Variants in ZNF671 observed in about 807,000 individuals in gnomAD.
ZNF671 encodes the protein zinc finger protein 671.
ZNF671 carries 19 observed loss-of-function variants against 16.6 expected under a neutral mutation model. The ratio of observed to expected loss-of-function variants is 1.14; its 90% CI spans 0.80 to 1.68. The LOEUF (loss-of-function observed/expected upper bound fraction) is 1.68. Among genes scored for constraint, ZNF671 ranks in the 40% most tolerant of loss-of-function variants. The probability of loss-of-function intolerance (pLI) is 0.00; values close to 1 mark genes in which losing one functional copy is unlikely to be tolerated. For missense variants in ZNF671, 637 were observed against 659.8 expected (o/e 0.97, Z 0.38); for synonymous variants, 238 against 236.3 (o/e 1.01, Z -0.06).
In ZNF671 at chr19:57,720,430, T is replaced by C. The variant is rs779411884; in HGVS notation, c.*51A>G. The C allele has an allele frequency of 1.3e-5, 21 of 1,574,224 alleles. No individual in the cohort carries two copies. The highest frequency in any genetic ancestry group is 5.9e-5 in the South Asian group (5 of 85,422). The stretch of plus-strand genomic sequence containing the variant: ...TAACTACTGCTAGTTCCCCACCATA[T>C]AGTAAGTCAGGGGCATTGGCCTAAG... On this transcript the variant is annotated 3_prime_UTR_variant, in exon 4 of 4. Coordinates refer to ENST00000317398, the MANE Select transcript of ZNF671 (RefSeq NM_024833.3).
At chr19:57,724,189 A>C (rs549504535) in intron 1 of ZNF671, among the ~76,000 whole-genome samples, 30 of 152,102 alleles carry the variant, frequency 2.0e-4, no homozygotes, top group African/African-American at 6.7e-4. Flanking sequence ...CAGGCACCTC[A>C]AACCACATGC....
At chr19:57,724,950 C>A (rs1200007500) in intron 1 of ZNF671, among the ~76,000 whole-genome samples, 4 of 152,138 alleles carry the variant, frequency 2.6e-5, no homozygotes. Context: ...CAACACATTC[C>A]AGCTACATCA....
At chr19:57,724,411 G>A (rs1270976092) in intron 1 of ZNF671, among the ~76,000 whole-genome samples, 2 of 152,148 alleles carry the variant, frequency 1.3e-5, no homozygotes, top group Non-Finnish European at 2.9e-5. Flanking sequence ...GGCCACTGTA[G>A]GGTTATTAAC....
At chr19:57,725,172 A>T (rs1986000598) in intron 1 of ZNF671, among the ~76,000 whole-genome samples, 1 of 151,290 alleles carries the variant, frequency 6.6e-6, no homozygotes, top group Admixed American at 6.6e-5. Flanking sequence ...TTTTTTTGAA[A>T]TGGGGTCTCA....
intron 1 of ZNF671, among the ~76,000 whole-genome samples, chr19:57,725,764 C>CT (rs1195707091): frequency 6.6e-6 from 1 of 151,782 alleles, no homozygotes; most frequent in Non-Finnish European, 1.5e-5. Flanking sequence ...TGGTGAAACT[C>CT]TATCTAATAA....
Position 57,720,378 on chromosome 19 carries a change from A to C in ZNF671, c.*103T>G, listed in dbSNP as rs1235307182. On this transcript the variant is annotated 3_prime_UTR_variant, in exon 4 of 4. Coordinates refer to ENST00000317398, the MANE Select transcript of ZNF671 (RefSeq NM_024833.3). The stretch of plus-strand genomic sequence containing the variant: ...CGGGTAAGGTTCAGCCTCCAGGGGA[A>C]GGCTTTCCTGCATCTGCTGCACTCA... The C allele has an allele frequency of 1.4e-6, 2 of 1,468,612 alleles. No homozygotes were observed. Among genetic ancestry groups the C allele is most frequent in the Admixed American group, 4.3e-5 (2 of 46,998 alleles). 91.0% of individuals were successfully genotyped at this position (1,468,612 alleles called of 1,614,324 possible). A position where few individuals can be genotyped will look rare whatever the true frequency, so the allele number is the denominator to read the frequency against.
intron 3 of ZNF671, 158 bp downstream of exon 3, chr19:57,722,158 C>G (rs1386807780): frequency 1.6e-6 from 2 of 1,255,010 alleles, no homozygotes; most frequent in African/African-American, 1.5e-5. Context: ...AAGGGGCTAA[C>G]AAACTAGAAA....
At chr19:57,723,773 C>G (rs948488097) in intron 1 of ZNF671, among the ~76,000 whole-genome samples, 9 of 148,078 alleles carry the variant, frequency 6.1e-5, no homozygotes, top group African/African-American at 2.2e-4. Flanking sequence ...AAATGTCACT[C>G]TACACATAGC....
chr19:57,725,677 T>C (rs1264526167), intron 1 of ZNF671, among the ~76,000 whole-genome samples: 1 of 145,560 alleles, frequency 6.9e-6, no homozygotes, highest in Non-Finnish European at 1.5e-5. Flanking sequence ...TGGCTCACTC[T>C]TGTAATCCCA....
intron 3 of ZNF671, chr19:57,721,983 C>T: frequency 3.6e-6 from 2 of 557,270 alleles, no homozygotes; most frequent in Non-Finnish European, 6.3e-6. Context: ...AAAATGTATC[C>T]AGTCCCAGGA....
rs766496058 is a variant in ZNF671 at position 57,720,482 on chromosome 19, T to TA, written c.1603dup (p.Ter535LeufsTer4). On this transcript the variant is annotated frameshift_variant and stop_lost, in exon 4 of 4. Coordinates refer to ENST00000317398, the MANE Select transcript of ZNF671 (RefSeq NM_024833.3). LOFTEE classifies it high-confidence loss of function. ...CTTTCCCCCACATTTGCTACACTCT[T>TA]AAAGCTTTTCTCCAGCATGAACCCT... 8.7e-6 allele frequency: 14 copies of TA among 1,611,696 alleles called. No individual in the cohort carries two copies. The highest frequency in any genetic ancestry group is 1.2e-5 in the Non-Finnish European group (14 of 1,178,074).
intron 1 of ZNF671, among the ~76,000 whole-genome samples, chr19:57,724,833 GC>G (rs1489135629): frequency 1.3e-5 from 2 of 152,066 alleles, no homozygotes; most frequent in African/African-American, 4.8e-5. Flanking sequence ...CCGACTTTAG[GC>G]ATTTGACACA....
Position 57,720,497 on chromosome 19 carries a change from G to C in ZNF671, c.1589C>G (p.Ala530Gly). ...QTLVLHQRVH[A>G]GEKL ...GCTACACTCTTAAAGCTTTTCTCCA[G>C]CATGAACCCTCTGGTGCAGAACAAG... Residue 530 changes from alanine (A) to glycine (G), a missense_variant, in exon 4 of 4, where the codon GCT becomes GGT. Transcript: ENST00000317398. 1 of 1,613,232 alleles carries C rather than the reference G, an allele frequency of 6.2e-7. No homozygotes were observed. Among genetic ancestry groups the C allele is most frequent in the Non-Finnish European group, 8.5e-7 (1 of 1,179,236 alleles).
At chr19:57,722,216 T>C (rs1392606343) in intron 3 of ZNF671, 100 bp downstream of exon 3, 11 of 1,532,122 alleles carry the variant, frequency 7.2e-6, no homozygotes, top group Admixed American at 2.0e-5. Context: ...AGAAACGCTG[T>C]GTGGCCACTG....
intron 1 of ZNF671, among the ~76,000 whole-genome samples, chr19:57,725,842 G>C (rs1208479821): frequency 4.0e-5 from 6 of 149,952 alleles, no homozygotes; most frequent in Non-Finnish European, 3.0e-5. Flanking sequence ...ACTGAGGCAG[G>C]AGAATCACTT....
rs1287045263 is a variant in ZNF671, at chr19:57,721,414, C to T, written c.672G>A (p.Glu224=). The T allele has an allele frequency of 6.2e-7, 1 of 1,614,118 alleles. No individual in the cohort carries two copies. The highest frequency in any genetic ancestry group is 8.5e-7 in the Non-Finnish European group (1 of 1,180,052). Residue 224 remains glutamate (E), a synonymous_variant, in exon 4 of 4, where the codon GAG becomes GAA. Transcript: ENST00000317398. ...PNGGKLFPRK[E]GRDSVKSCRV... is the part of the protein sequence containing the mutation. ...TGCAGCTTTTCACAGAGTCTCTGCCCTCCTTCCTTGGGAAAAGTTTCCCTC... is the reference window on the plus strand; with the variant it reads ...TGCAGCTTTTCACAGAGTCTCTGCCTTCCTTCCTTGGGAAAAGTTTCCCTC...
rs771156520 is a variant in ZNF671, at chr19:57,722,319, G to T, written c.385C>A (p.Pro129Thr). The change falls in exon 3 of 4, where the codon CCT becomes ACT. Residue 129 changes from proline to threonine, a missense_variant. By Grantham distance (38) the Pro-to-Thr change is conservative. Transcript: ENST00000317398. ...CCCTTCCCCGATGTCCACTCACCAG[G>T]TCTAAGTCCCCTCTGGGCCTCTCTT... ...TEREAQRGLR[P>T]GCWHGVEDEE... The T allele has an allele frequency of 1.2e-6, 2 of 1,613,942 alleles. No individual in the cohort carries two copies. Among genetic ancestry groups the T allele is most frequent in the African/African-American group, 2.7e-5 (2 of 74,906 alleles).
In ZNF671 at chr19:57,722,392, T is replaced by C. The variant is rs1324998022; in HGVS notation, c.312A>G (p.Gly104=). Residue 104 remains glycine (G), a synonymous_variant, in exon 3 of 4, where the codon GGA becomes GGG. Transcript: ENST00000317398. The part of the protein sequence containing the change: ...RSRAVMKLER[G]EEPWVYDQVD... Reference sequence around the variant, plus strand: ...CCTGGTCATACACCCAGGGCTCTTCTCCTCGCTCTAGTTTCATGACTGCAC... The same window carrying C: ...CCTGGTCATACACCCAGGGCTCTTCCCCTCGCTCTAGTTTCATGACTGCAC... 63 of 1,613,968 alleles carry C rather than the reference T, an allele frequency of 3.9e-5. No homozygotes were observed. The highest frequency in any genetic ancestry group is 5.2e-5 in the Non-Finnish European group (61 of 1,180,014).
rs762075516 is a variant in ZNF671, at chr19:57,720,543, C to T, written c.1543G>A (p.Glu515Lys). 1.2e-5 allele frequency: 20 copies of T among 1,614,094 alleles called. No homozygotes were observed. The East Asian group carries it at 4.0e-4, about 32-fold the overall frequency. Reference sequence around the variant, plus strand: ...ACAAGTGTCTGTTTCCGGATGAATTCTCTCCCGCACTCACTACACACATAA... The same window carrying T: ...ACAAGTGTCTGTTTCCGGATGAATTTTCTCCCGCACTCACTACACACATAA... The part of the protein sequence containing the change: ...RPYVCSECGR[E>K]FIRKQTLVLH... Residue 515 changes from glutamate (E) to lysine (K), a missense_variant, in exon 4 of 4, where the codon GAA (glutamate) becomes AAA (lysine). By Grantham distance (56) the Glu-to-Lys change is moderately conservative (BLOSUM62 1). Coordinates refer to ENST00000317398, the MANE Select transcript of ZNF671 (RefSeq NM_024833.3).
Sources: gnomAD v4.1 joint callset for allele counts (sites outside exome capture counted in the v4.1 genomes callset) on GRCh38, gnomAD v4.1.1 for gene constraint, MANE v1.5 for transcripts, NCBI Gene and HGNC (gene_info 2026-07-23, HGNC 2026-07-21) for gene names.